Variants in ZFP69B observed in about 807,000 individuals in gnomAD.
ZFP69B encodes the protein zinc finger protein 69 homolog B.
A neutral mutation model predicts 19.7 loss-of-function variants in ZFP69B; 20 were observed. The observed-to-expected ratio is 1.02, with a 90% CI of 0.71 to 1.48. The LOEUF (loss-of-function observed/expected upper bound fraction) is 1.48, where lower values mean the gene tolerates loss of function less well. ZFP69B is among the 40% of genes most tolerant of loss of function. ZFP69B has a pLI of 0.00. For missense variants in ZFP69B, 583 were observed against 632.6 expected (o/e 0.92, Z 0.84); for synonymous variants, 220 against 222.7 (o/e 0.99, Z 0.11).
intron 1 of ZFP69B, among the ~76,000 whole-genome samples, chr1:40,452,320 T>C (rs1483374390): frequency 6.6e-6 from 1 of 152,224 alleles, no homozygotes; most frequent in Non-Finnish European, 1.5e-5. Flanking sequence ...TTTAATCAAA[T>C]GTCTCAGTAA....
intron 4 of ZFP69B, among the ~76,000 whole-genome samples, chr1:40,460,852 A>G (rs539498960): frequency 9.2e-4 from 140 of 151,890 alleles, no homozygotes; most frequent in African/African-American, 3.2e-3. Context: ...ATGGTGGCGC[A>G]TGCTTGTAGT....
At chr1:40,460,409 A>T (rs1645271005) in intron 4 of ZFP69B, among the ~76,000 whole-genome samples, 1 of 152,168 alleles carries the variant, frequency 6.6e-6, no homozygotes, top group African/African-American at 2.4e-5. Context: ...GAGGCAGGAG[A>T]ATTATTTGAG....
chr1:40,454,818 C>T (rs1645219064), intron 2 of ZFP69B, among the ~76,000 whole-genome samples: 1 of 152,126 alleles, frequency 6.6e-6, no homozygotes, highest in African/African-American at 2.4e-5. Flanking sequence ...AAACCTCTAG[C>T]CATTTATCCA....
At chr1:40,450,373 C>G (rs919513836), upstream of ZFP69B, among the ~76,000 whole-genome samples, 4 of 152,202 alleles carry the variant, frequency 2.6e-5, no homozygotes, top group Non-Finnish European at 5.9e-5. Context: ...GAGGCGGGGT[C>G]TAGCGGTTTC....
chr1:40,462,822 G>T lies in ZFP69B; in HGVS notation c.838G>T (p.Glu280Ter), dbSNP rs754072556. The T allele has an allele frequency of 6.2e-7, 1 of 1,613,792 alleles. No individual in the cohort carries two copies. Among genetic ancestry groups the T allele is most frequent in the Non-Finnish European group, 8.5e-7 (1 of 1,179,984 alleles). The part of the protein sequence containing the change: ...SRSYTKMKTF[E>*]CNICEKIFKQ... ...GAGTTATACAAAAATGAAAACCTTT[G>T]AGTGTAATATTTGTGAAAAAATCTT... Residue 280 changes from glutamate to a stop codon, truncating the protein, a stop_gained, in exon 5 of 5, where the codon GAG becomes TAG. Transcript: ENST00000361584. LOFTEE classifies it low-confidence loss of function (END_TRUNC).
Position 40,451,985 on chromosome 1 carries a change from C to T in ZFP69B, c.127+897C>T, listed in dbSNP as rs181589094. ...GCTAAAAATACAAAAATTAGCTGGG[C>T]GTGGTGGCACATGCCTGTAATCCCA... is the stretch of plus-strand genomic sequence containing the variant. On this transcript the variant is annotated intron_variant, in intron 1 of 4. Coordinates refer to ENST00000361584, the MANE Select transcript of ZFP69B (RefSeq NM_023070.3). Among the ~76,000 whole-genome samples the T allele has an allele frequency of 1.1e-3, 168 of 151,902 alleles. 4 individuals carry two copies.
At position 40,462,837 on chromosome 1, in the gene ZFP69B, G is replaced by GA; in HGVS notation, c.859dup (p.Ile287AsnfsTer10). 5 of 1,613,970 alleles carry GA rather than the reference G, an allele frequency of 3.1e-6. No homozygotes were observed. The highest frequency in any genetic ancestry group is 4.2e-6 in the Non-Finnish European group (5 of 1,179,978). Reference sequence around the variant, plus strand: ...GAAAACCTTTGAGTGTAATATTTGTGAAAAAATCTTCAAACAGCTTATTCA... The same window carrying GA: ...GAAAACCTTTGAGTGTAATATTTGTGAAAAAAATCTTCAAACAGCTTATTCA... On this transcript the variant is annotated frameshift_variant, in exon 5 of 5. Transcript: ENST00000361584. LOFTEE classifies it low-confidence loss of function (END_TRUNC).
chr1:40,450,110 C>A (rs1004244757), upstream of ZFP69B: 3 of 152,248 alleles, frequency 2.0e-5, no homozygotes, highest in Non-Finnish European at 4.4e-5. Flanking sequence ...GGAGCTTGGC[C>A]GCGCAGTGCC....
At chr1:40,458,677 C>T (rs527607498) in intron 4 of ZFP69B, among the ~76,000 whole-genome samples, 2 of 152,062 alleles carry the variant, frequency 1.3e-5, no homozygotes, top group South Asian at 4.2e-4. Flanking sequence ...CCACTGTGCC[C>T]AGCTAATCAT....
Position 40,462,917 on chromosome 1 carries a change from A to G in ZFP69B, c.933A>G (p.Glu311=), listed in dbSNP as rs760800372. 2 of 1,614,198 alleles carry G rather than the reference A, an allele frequency of 1.2e-6. No homozygotes were observed. Among genetic ancestry groups the G allele is most frequent in the Non-Finnish European group, 1.7e-6 (2 of 1,180,040 alleles). The change falls in exon 5 of 5, where the codon GAA becomes GAG. Residue 311 remains glutamate (E), a synonymous_variant. Transcript: ENST00000361584. ...GGGAGAAACCTTTCAGATGTAAGGA[A>G]TGTGGAAAAGCCTTTAGCCAAAGTT... The part of the protein sequence containing the change: ...HTGEKPFRCK[E]CGKAFSQSSS...
intron 2 of ZFP69B, among the ~76,000 whole-genome samples, chr1:40,455,178 CAG>C (rs1304352239): frequency 6.6e-6 from 1 of 152,158 alleles, no homozygotes; most frequent in African/African-American, 2.4e-5. Flanking sequence ...AGCAGTTTAA[CAG>C]TGTGCCGTGT....
intron 4 of ZFP69B, among the ~76,000 whole-genome samples, chr1:40,459,860 A>G (rs1377521634): frequency 6.6e-6 from 1 of 152,084 alleles, no homozygotes; most frequent in Non-Finnish European, 1.5e-5. Context: ...AAGGAATAAG[A>G]TTTTTTTGTG....
intron 4 of ZFP69B, among the ~76,000 whole-genome samples, chr1:40,460,850 G>A (rs1017414751): frequency 6.6e-6 from 1 of 151,756 alleles, no homozygotes; most frequent in African/African-American, 2.4e-5. Flanking sequence ...GCATGGTGGC[G>A]CATGCTTGTA....
At chr1:40,457,092 A>G in intron 3 of ZFP69B, 21 bp downstream of exon 3, 1 of 1,584,246 alleles carries the variant, frequency 6.3e-7, no homozygotes, top group East Asian at 2.2e-5. Context: ...GCTCCTCTTG[A>G]AAATAGAACG....
chr1:40,458,203 A>C (rs1034752008), intron 4 of ZFP69B, among the ~76,000 whole-genome samples: 1 of 152,182 alleles, frequency 6.6e-6, no homozygotes, highest in African/African-American at 2.4e-5. Flanking sequence ...CTGACACCAC[A>C]GTTTGTGTGT....
intron 3 of ZFP69B, 86 bp downstream of exon 3, chr1:40,457,157 G>A (rs891828233): frequency 1.0e-5 from 16 of 1,572,146 alleles, no homozygotes; most frequent in Middle Eastern, 1.7e-4. Flanking sequence ...TTGGGCTTTC[G>A]GTTCTGTATT....
Position 40,450,954 on chromosome 1 carries a change from A to T in ZFP69B, c.-8A>T, listed in dbSNP as rs907991660. On this transcript the variant is annotated 5_prime_UTR_variant, in exon 1 of 5. Transcript: ENST00000361584. The stretch of plus-strand genomic sequence containing the variant: ...AGAGGGTCCTCAGAAAGGAGTGCGG[A>T]CGCCGTCATGCTGCAGCAGCTCCTG... The T allele has an allele frequency of 6.5e-7, 1 of 1,544,614 alleles. No individual in the cohort carries two copies. The highest frequency in any genetic ancestry group is 8.7e-7 in the Non-Finnish European group (1 of 1,143,868).
intron 4 of ZFP69B, among the ~76,000 whole-genome samples, chr1:40,457,761 A>G (rs1645247298): frequency 6.6e-6 from 1 of 152,206 alleles, no homozygotes. Flanking sequence ...AGATTTACAC[A>G]GGTCTCTCCT....
chr1:40,457,283 T>G, intron 3 of ZFP69B, 61 bp from the exon 4 acceptor site: 2 of 1,576,146 alleles, frequency 1.3e-6, no homozygotes, highest in Non-Finnish European at 8.7e-7. Flanking sequence ...AGAACCATAT[T>G]TAAATTCTTG....
Sources: allele counts gnomAD v4.1 joint callset (sites outside exome capture counted in the v4.1 genomes callset), GRCh38; gene constraint gnomAD v4.1.1; transcripts MANE v1.5; gene names NCBI Gene and HGNC (gene_info 2026-07-23, HGNC 2026-07-21).